Variants in MON2 observed in about 807,000 individuals in gnomAD.
MON2 encodes protein MON2 homolog.
MON2 carries 84 observed loss-of-function variants against 208.6 expected under a neutral mutation model. That is an observed-to-expected ratio of 0.40 (90% confidence interval 0.34 to 0.48). MON2 has a LOEUF of 0.48. MON2 is among the 20% of genes least tolerant of loss of function. MON2 has a pLI of 0.59. For missense variants in MON2, 1,611 were observed against 2,015.4 expected, an observed-to-expected ratio of 0.80 and a Z score of 3.84; for synonymous variants, 660 against 694.0, an observed-to-expected ratio of 0.95 and a Z score of 0.77.
intron 8 of MON2, among the ~76,000 whole-genome samples, chr12:62,523,556 C>T (rs896474395): frequency 6.6e-6 from 1 of 152,008 alleles, no homozygotes; most frequent in Non-Finnish European, 1.5e-5. Flanking sequence ...TGATTATGTC[C>T]TTTTTTTAAG....
chr12:62,519,458 C>A (rs1260116030), intron 8 of MON2, among the ~76,000 whole-genome samples: 1 of 151,994 alleles, frequency 6.6e-6, no homozygotes, highest in Non-Finnish European at 1.5e-5. Flanking sequence ...TATTTAGGAG[C>A]TTTTGTGCAT....
intron 25 of MON2, among the ~76,000 whole-genome samples, chr12:62,556,793 A>G (rs559462281): frequency 6.6e-6 from 1 of 152,264 alleles, no homozygotes; most frequent in East Asian, 1.9e-4. Context: ...GAAAGTTAGG[A>G]GGCTGGGCAT....
Position 62,552,871 on chromosome 12 carries a change from T to G in MON2, c.2917-10T>G. 6.2e-7 allele frequency: 1 copy of G among 1,602,508 alleles called. No homozygotes were observed. The highest frequency in any genetic ancestry group is 8.5e-7 in the Non-Finnish European group (1 of 1,171,186). Reference sequence around the variant, plus strand: ...TGGATGAACTAATATTTTTCTACTTTGCTTTTTAGTGGAATATTTCAGATT... The same window carrying G: ...TGGATGAACTAATATTTTTCTACTTGGCTTTTTAGTGGAATATTTCAGATT... On this transcript the variant is annotated splice_polypyrimidine_tract_variant and intron_variant, in intron 23 of 34. Transcript: ENST00000393630.
At chr12:62,558,139 C>T (rs1265865511) in intron 25 of MON2, among the ~76,000 whole-genome samples, 3 of 150,304 alleles carry the variant, frequency 2.0e-5, no homozygotes, top group Non-Finnish European at 3.0e-5. Context: ...CCACCATGCC[C>T]GGCTAATTTT....
intron 6 of MON2, 141 bp from the exon 7 acceptor site, chr12:62,501,432 G>A: frequency 1.2e-6 from 1 of 830,360 alleles, no homozygotes; most frequent in Non-Finnish European, 1.8e-6. Flanking sequence ...TGTCAAAATT[G>A]GAATTACCAG....
rs1178348180 is a variant in MON2, at chr12:62,556,132, T to C, written c.3349T>C (p.Leu1117=). ...AEKQWAETWV[L]TLAGVARIFN... ...GAAGCAATGGGCTGAGACGTGGGTA[T>C]TAACATTGGCTGGAGTAGCAAGGAT... Residue 1117 remains leucine (L), a synonymous_variant, in exon 25 of 35, where the codon TTA becomes CTA. Transcript: ENST00000393630. 6.2e-7 allele frequency: 1 copy of C among 1,613,946 alleles called. No individual in the cohort carries two copies. Among genetic ancestry groups the C allele is most frequent in the African/African-American group, 1.3e-5 (1 of 74,900 alleles).
intron 25 of MON2, chr12:62,559,900 G>T (rs1286372741): frequency 6.6e-6 from 1 of 152,184 alleles, no homozygotes; most frequent in Non-Finnish European, 1.5e-5. Flanking sequence ...AAAAAAACAT[G>T]TATTATACTG....
chr12:62,530,694 CA>C (rs2072593243), intron 11 of MON2, among the ~76,000 whole-genome samples: 1 of 152,066 alleles, frequency 6.6e-6, no homozygotes, highest in Non-Finnish European at 1.5e-5. Flanking sequence ...CTACCATGAG[CA>C]TTTGTCTGTA....
At chr12:62,548,805 C>T (rs889117533) in intron 22 of MON2, among the ~76,000 whole-genome samples, 1 of 152,046 alleles carries the variant, frequency 6.6e-6, no homozygotes, top group African/African-American at 2.4e-5. Context: ...TTTTTACCAC[C>T]AGGATTTTTC....
In MON2 at chr12:62,556,140, G is replaced by A. The variant is rs766913507; in HGVS notation, c.3357G>A (p.Leu1119=). 9 of 1,613,686 alleles carry A rather than the reference G, an allele frequency of 5.6e-6. No homozygotes were observed. The East Asian group carries it at 2.0e-4, about 36-fold the overall frequency. ...GGGCTGAGACGTGGGTATTAACATT[G>A]GCTGGAGTAGCAAGGATCTTCAACA... ...KQWAETWVLT[L]AGVARIFNTR... The change falls in exon 25 of 35, where the codon TTG becomes TTA. Residue 1119 remains leucine, a synonymous_variant. Transcript: ENST00000393630.
At position 62,524,728 on chromosome 12, in the gene MON2, A is replaced by G. The variant is rs886698915; in HGVS notation, c.1109+89A>G. 5.5e-6 allele frequency: 7 copies of G among 1,273,528 alleles called. No homozygotes were observed. In the Admixed American group the frequency reaches 1.5e-4, roughly 27 times the overall value. 78.9% of individuals were successfully genotyped at this position (1,273,528 alleles called of 1,614,324 possible). A position where few individuals can be genotyped will look rare whatever the true frequency, so the allele number is the denominator to read the frequency against. On this transcript the variant is annotated intron_variant, in intron 9 of 34. Coordinates refer to ENST00000393630, the MANE Select transcript of MON2 (RefSeq NM_015026.3). Reference sequence around the variant, plus strand: ...TATAATAGGTTAATAAACTAGTCAGAAGACTTTTGGTATTTATTCCCAATA... The same window carrying G: ...TATAATAGGTTAATAAACTAGTCAGGAGACTTTTGGTATTTATTCCCAATA...
chr12:62,557,926 A>T (rs1260409114), intron 25 of MON2, among the ~76,000 whole-genome samples: 2 of 67,154 alleles, frequency 3.0e-5, no homozygotes, highest in African/African-American at 1.5e-4. Flanking sequence ...GAACGAATAG[A>T]TTTATATATA....
chr12:62,587,820 G>A (rs1438836305), intron 33 of MON2: 1 of 288,928 alleles, frequency 3.5e-6, no homozygotes, highest in Admixed American at 5.2e-5. Context: ...AATTTTTCAG[G>A]AGTAGATTGC....
Position 62,556,092 on chromosome 12 carries a change from A to G in MON2, c.3309A>G (p.Ser1103=), listed in dbSNP as rs1224333318. 3.1e-6 allele frequency: 5 copies of G among 1,614,112 alleles called. No individual in the cohort carries two copies. Among genetic ancestry groups the G allele is most frequent in the Non-Finnish European group, 3.4e-6 (4 of 1,180,014 alleles). Residue 1103 remains serine (S), a synonymous_variant, in exon 25 of 35, where the codon TCA becomes TCG. Transcript: ENST00000393630. ...GTGGCAATATTCTCATTCATCATTCAAGGGACACCGCCGAGAAGCAATGGG... is the reference window on the plus strand; with the variant it reads ...GTGGCAATATTCTCATTCATCATTCGAGGGACACCGCCGAGAAGCAATGGG... ...SGGGNILIHH[S]RDTAEKQWAE... is the part of the protein sequence containing the mutation.
intron 21 of MON2, among the ~76,000 whole-genome samples, chr12:62,546,112 AT>A (rs2073471666): frequency 6.6e-6 from 1 of 152,150 alleles, no homozygotes; most frequent in Non-Finnish European, 1.5e-5. Context: ...CTTTGTTAAT[AT>A]CTGCTACATT....
intron 12 of MON2, among the ~76,000 whole-genome samples, chr12:62,534,530 A>T (rs2072823482): frequency 1.0e-4 from 4 of 39,350 alleles, no homozygotes; most frequent in Middle Eastern, 0.011. Context: ...AAAAAAAAAA[A>T]AAAAAAAAAA....
At chr12:62,489,013 T>C (rs1265997796) in intron 2 of MON2, among the ~76,000 whole-genome samples, 3 of 151,890 alleles carry the variant, frequency 2.0e-5, no homozygotes, top group African/African-American at 7.3e-5. Flanking sequence ...GAAAAAGAAA[T>C]AAAAAAAATT....
chr12:62,506,410 T>C (rs2071100424), intron 7 of MON2, among the ~76,000 whole-genome samples: 1 of 152,210 alleles, frequency 6.6e-6, no homozygotes, highest in South Asian at 2.1e-4. Flanking sequence ...TATTTATCTG[T>C]GTTTTTGGAT....
chr12:62,563,652 G>C (rs534326053), intron 26 of MON2, among the ~76,000 whole-genome samples: 10 of 151,922 alleles, frequency 6.6e-5, no homozygotes, highest in Non-Finnish European at 1.3e-4. Context: ...AAAATTGTGG[G>C]TTCCAAATTA....
Sources: allele counts gnomAD v4.1 joint callset (sites outside exome capture counted in the v4.1 genomes callset), GRCh38; gene constraint gnomAD v4.1.1; transcripts MANE v1.5; gene names NCBI Gene and HGNC (gene_info 2026-07-23, HGNC 2026-07-21).